PARD3: variants seen among roughly 807,000 people sequenced by gnomAD.
The protein encoded by PARD3 is partitioning defective 3 homolog.
A neutral mutation model predicts 155.4 loss-of-function variants in PARD3; 75 were observed. The observed-to-expected ratio is 0.48, with a 90% CI of 0.40 to 0.58. The LOEUF (loss-of-function observed/expected upper bound fraction) is 0.58. PARD3 is among the 20% of genes least tolerant of loss of function. The pLI, the probability that PARD3 is intolerant of heterozygous loss-of-function variation, is 0.00. For missense variants in PARD3, 1,642 were observed against 1,721.7 expected (o/e 0.95, Z 0.82); for synonymous variants, 576 against 610.5 (o/e 0.94, Z 0.83).
At chr10:34,502,615 C>A (rs1488408142) in intron 3 of PARD3, among the ~76,000 whole-genome samples, 1 of 152,078 alleles carries the variant, frequency 6.6e-6, no homozygotes, top group Non-Finnish European at 1.5e-5. Context: ...ACTACATATA[C>A]CCTGCTTTCC....
intron 22 of PARD3, among the ~76,000 whole-genome samples, chr10:34,148,755 G>T (rs565612006): frequency 1.4e-5 from 2 of 146,948 alleles, no homozygotes; most frequent in African/African-American, 4.8e-5. Context: ...TATGGATTCA[G>T]TTAAGGTGTT....
chr10:34,169,845 T>C (rs1179127544), intron 22 of PARD3, among the ~76,000 whole-genome samples: 1 of 152,190 alleles, frequency 6.6e-6, no homozygotes, highest in Non-Finnish European at 1.5e-5. Context: ...TCTCTAAGAA[T>C]GATGGCCACA....
intron 1 of PARD3, among the ~76,000 whole-genome samples, chr10:34,701,235 A>G (rs2094269974): frequency 6.6e-6 from 1 of 152,176 alleles, no homozygotes; most frequent in Non-Finnish European, 1.5e-5. Context: ...CGCTGTGAAC[A>G]CAAAGATAAA....
intron 22 of PARD3, among the ~76,000 whole-genome samples, chr10:34,196,231 G>A (rs544838150): frequency 3.9e-5 from 6 of 152,174 alleles, no homozygotes; most frequent in African/African-American, 9.6e-5. Context: ...GTTACGTGGC[G>A]TACAATGACC....
At chr10:34,414,849 G>A (rs556925110) in intron 5 of PARD3, among the ~76,000 whole-genome samples, 92 of 151,830 alleles carry the variant, frequency 6.1e-4, no homozygotes, top group African/African-American at 1.7e-3. Flanking sequence ...AAAAAGCAAC[G>A]TCACTAAGTA....
rs78531756 is a variant in PARD3, at chr10:34,714,147, A to T, written c.121-17728T>A. Among the ~76,000 whole-genome samples the T allele has an allele frequency of 1.2e-3, 183 of 152,294 alleles. 4 individuals carry two copies. The East Asian group carries it at 0.032, about 27-fold the overall frequency. ...TAAATTCCAAATGGCTCTGAATCCTAAACAAAAACTTGACCCCGAAGTAGC... is the reference window on the plus strand; with the variant it reads ...TAAATTCCAAATGGCTCTGAATCCTTAACAAAAACTTGACCCCGAAGTAGC... On this transcript the variant is annotated intron_variant, in intron 1 of 24. Coordinates refer to ENST00000374788, the MANE Select transcript of PARD3 (RefSeq NM_001184785.2).
chr10:34,576,183 A>T (rs1316329076), intron 2 of PARD3, among the ~76,000 whole-genome samples: 3 of 152,242 alleles, frequency 2.0e-5, no homozygotes, highest in Non-Finnish European at 4.4e-5. Flanking sequence ...GATAAAGTAT[A>T]ACAAAAGACA....
At chr10:34,459,332 A>G (rs1055707800) in intron 4 of PARD3, among the ~76,000 whole-genome samples, 2 of 151,072 alleles carry the variant, frequency 1.3e-5, no homozygotes, top group African/African-American at 4.9e-5. Flanking sequence ...ATGCCCAGCT[A>G]ATTTTTTTTT....
chr10:34,205,228 T>C (rs1951414324), intron 22 of PARD3, among the ~76,000 whole-genome samples: 1 of 152,178 alleles, frequency 6.6e-6, no homozygotes, highest in Admixed American at 6.5e-5. Context: ...ACTGGGACTT[T>C]CAGGTGAGAA....
rs192910663 is a variant in PARD3, at chr10:34,669,461, G to A, written c.222+26857C>T. 4.6e-5 allele frequency among the ~76,000 whole-genome samples: 7 copies of A among 152,254 alleles called. No homozygotes were observed. The East Asian group carries it at 1.4e-3, about 29-fold the overall frequency. On this transcript the variant is annotated intron_variant, in intron 2 of 24. Transcript: ENST00000374788. ...ACGGTGGAGACTCAGGAGGATGGGA[G>A]GGGGTGAAGGATGGGAAAGTACTTA...
chr10:34,185,837 T>C (rs1014096481), intron 22 of PARD3, among the ~76,000 whole-genome samples: 17 of 148,314 alleles, frequency 1.1e-4, no homozygotes, highest in African/African-American at 3.7e-4. Flanking sequence ...TATATTATAT[T>C]ATATTATATT....
At chr10:34,496,089 C>T (rs1284549345) in intron 3 of PARD3, among the ~76,000 whole-genome samples, 1 of 151,830 alleles carries the variant, frequency 6.6e-6, no homozygotes, top group African/African-American at 2.4e-5. Context: ...GTAGTCCCAG[C>T]TACTTGGGAG....
intron 2 of PARD3, among the ~76,000 whole-genome samples, chr10:34,632,893 G>C (rs1184321911): frequency 6.6e-6 from 1 of 152,128 alleles, no homozygotes; most frequent in East Asian, 1.9e-4. Context: ...GCTTAACAGA[G>C]CTCCAGTGGC....
intron 22 of PARD3, among the ~76,000 whole-genome samples, chr10:34,154,288 T>G (rs1393800206): frequency 6.6e-6 from 1 of 152,110 alleles, no homozygotes; most frequent in Non-Finnish European, 1.5e-5. Context: ...ACTGCAGAAA[T>G]GTAAAACAAT....
intron 7 of PARD3, among the ~76,000 whole-genome samples, chr10:34,392,645 G>T (rs1461397463): frequency 1.3e-5 from 2 of 152,082 alleles, no homozygotes; most frequent in Non-Finnish European, 2.9e-5. Flanking sequence ...GGATTGTTCT[G>T]TGAGTACATA....
In PARD3 at chr10:34,798,063, TA is replaced by T. The variant is rs1842472354; in HGVS notation, c.120+16812del. 3.9e-5 allele frequency among the ~76,000 whole-genome samples: 6 copies of T among 152,090 alleles called. No homozygotes were observed. In the South Asian group the frequency reaches 1.2e-3, roughly 32 times the overall value. On this transcript the variant is annotated intron_variant, in intron 1 of 24. Coordinates refer to ENST00000374788, the MANE Select transcript of PARD3 (RefSeq NM_001184785.2). ...GACTGGATATGGTAGCTCACCCCTA[TA>T]ACCCCAGTGTTATGGGAGGCTGAGG...
At chr10:34,135,295 C>T (rs1947834419) in intron 22 of PARD3, among the ~76,000 whole-genome samples, 1 of 152,184 alleles carries the variant, frequency 6.6e-6, no homozygotes, top group Non-Finnish European at 1.5e-5. Flanking sequence ...GCTTTGTACC[C>T]AACTGGAACT....
Position 34,119,601 on chromosome 10 carries a change from GCGTCCTCATA to G in PARD3, c.3668+2_3668+11del. 6.3e-7 allele frequency: 1 copy of G among 1,588,232 alleles called. No individual in the cohort carries two copies. Among genetic ancestry groups the G allele is most frequent in the Non-Finnish European group, 8.6e-7 (1 of 1,161,844 alleles). The stretch of plus-strand genomic sequence containing the variant: ...CGGGGGGATCTGGAGGCTCGGCCAA[GCGTCCTCATA>G]CCGAGGCAGAGAGCTGTACTGGCGC... On this transcript the variant is annotated splice_donor_variant and splice_donor_5th_base_variant and intron_variant, in intron 24 of 24. Transcript: ENST00000374788. LOFTEE classifies it high-confidence loss of function.
At chr10:34,532,053 A>C (rs2082895182) in intron 2 of PARD3, among the ~76,000 whole-genome samples, 1 of 152,286 alleles carries the variant, frequency 6.6e-6, no homozygotes, top group East Asian at 1.9e-4. Flanking sequence ...AATTTTATGC[A>C]GTTGCGATTT....
Sources: gnomAD v4.1 joint callset for allele counts (sites outside exome capture counted in the v4.1 genomes callset) on GRCh38, gnomAD v4.1.1 for gene constraint, MANE v1.5 for transcripts, NCBI Gene and HGNC (gene_info 2026-07-23, HGNC 2026-07-21) for gene names.